Variants in FARP1 observed in about 807,000 individuals in gnomAD.
FARP1 encodes FERM, ARHGEF and pleckstrin domain-containing protein 1.
Under a neutral mutation model 128.8 loss-of-function variants are expected in FARP1, and 52 were observed. The ratio of observed to expected loss-of-function variants is 0.40; its 90% CI spans 0.32 to 0.51. The LOEUF is 0.51. FARP1 is among the 20% of genes least tolerant of loss of function. FARP1 has a pLI of 0.45. For synonymous variants in FARP1, 580 were observed against 551.8 expected (o/e 1.05, Z -0.72); for missense variants, 1,333 against 1,367.9 (o/e 0.97, Z 0.40).
At position 98,446,143 on chromosome 13, in the gene FARP1, G is replaced by A. The variant is rs762497844; in HGVS notation, c.2842G>A (p.Gly948Arg). The change falls in exon 25 of 27, where the codon GGG (glycine) becomes AGG (arginine). Residue 948 changes from glycine (G) to arginine (R), a missense_variant. Coordinates refer to ENST00000319562, the MANE Select transcript of FARP1 (RefSeq NM_005766.4). Reference sequence around the variant, plus strand: ...GCTGAGGAAATTCAAAAACAGCAACGGGTGGCAGAAGCTGTGGGTGGTGTT... The same window carrying A: ...GCTGAGGAAATTCAAAAACAGCAACAGGTGGCAGAAGCTGTGGGTGGTGTT... ...NLLRKFKNSN[G>R]WQKLWVVFTN... 19 of 1,613,966 alleles carry A rather than the reference G, an allele frequency of 1.2e-5. No homozygotes were observed. Among genetic ancestry groups the A allele is most frequent in the African/African-American group, 2.7e-5 (2 of 74,956 alleles).
intron 2 of FARP1, among the ~76,000 whole-genome samples, chr13:98,306,766 C>G (rs1886186220): frequency 6.6e-6 from 1 of 152,124 alleles, no homozygotes. Context: ...TCAAGCAATC[C>G]TCCTATGTTG....
intron 3 of FARP1, among the ~76,000 whole-genome samples, chr13:98,357,110 A>C (rs2139932826): frequency 6.6e-6 from 1 of 152,216 alleles, no homozygotes; most frequent in Non-Finnish European, 1.5e-5. Context: ...TGTAGGCAGC[A>C]TATACTTGCT....
At position 98,446,730 on chromosome 13, in the gene FARP1, A is replaced by G. The variant is rs777359140; in HGVS notation, c.2969A>G (p.Glu990Gly). The change falls in exon 26 of 27, where the codon GAG becomes GGG. Residue 990 changes from glutamate (E) to glycine (G), a missense_variant. By Grantham distance (98) the Glu-to-Gly change is moderately conservative. This residue lies in a region of FARP1 where 1,009 missense variants were observed against 969.8 expected (regional missense o/e 1.04). Coordinates refer to ENST00000319562, the MANE Select transcript of FARP1 (RefSeq NM_005766.4). ...TCGCTCACCATCCCCTCTGAGTCCG[A>G]GAACATCCAGAAAGACTACGTGTTC... Reference protein sequence around the residue: ...GYSLTIPSESENIQKDYVFKL... With the variant: ...GYSLTIPSESGNIQKDYVFKL... 3 of 1,614,204 alleles carry G rather than the reference A, an allele frequency of 1.9e-6. No homozygotes were observed. Among genetic ancestry groups the G allele is most frequent in the East Asian group, 2.2e-5 (1 of 44,866 alleles).
chr13:98,229,238 G>A (rs1172492877), intron 2 of FARP1, among the ~76,000 whole-genome samples: 4 of 152,174 alleles, frequency 2.6e-5, no homozygotes, highest in African/African-American at 9.7e-5. Context: ...AGCTAGCAGT[G>A]AAGATGAAGA....
intron 3 of FARP1, among the ~76,000 whole-genome samples, chr13:98,350,492 A>T (rs1396552656): frequency 6.6e-6 from 1 of 152,046 alleles, no homozygotes; most frequent in Non-Finnish European, 1.5e-5. Context: ...ATCCATTATC[A>T]TTCATTCACT....
At chr13:98,339,588 C>T (rs1424267545) in intron 2 of FARP1, among the ~76,000 whole-genome samples, 1 of 152,176 alleles carries the variant, frequency 6.6e-6, no homozygotes, top group Non-Finnish European at 1.5e-5. Flanking sequence ...AGTTTCCTTA[C>T]AACCATAGAT....
At chr13:98,442,932 C>T (rs959738762) in intron 24 of FARP1, among the ~76,000 whole-genome samples, 1 of 152,212 alleles carries the variant, frequency 6.6e-6, no homozygotes, top group African/African-American at 2.4e-5. Context: ...CCTGGAGGCA[C>T]CCAGGCCATT....
intron 13 of FARP1, chr13:98,405,312 G>A (rs1263876775): frequency 6.6e-6 from 1 of 152,222 alleles, no homozygotes; most frequent in Admixed American, 6.5e-5. Context: ...GCAGTTTCTG[G>A]TCTGGGTGAT....
intron 2 of FARP1, among the ~76,000 whole-genome samples, chr13:98,304,877 T>C (rs1256235248): frequency 6.6e-6 from 1 of 152,208 alleles, no homozygotes; most frequent in Non-Finnish European, 1.5e-5. Context: ...TATCTTTCCA[T>C]TTAACCTTAA....
intron 17 of FARP1, among the ~76,000 whole-genome samples, chr13:98,427,882 C>G (rs1260355952): frequency 6.6e-6 from 1 of 151,970 alleles, no homozygotes; most frequent in African/African-American, 2.4e-5. Context: ...TCACTGGCAG[C>G]CTTTTTGAGA....
chr13:98,413,106 C>T (rs1465187252), intron 16 of FARP1, among the ~76,000 whole-genome samples: 1 of 152,150 alleles, frequency 6.6e-6, no homozygotes, highest in Non-Finnish European at 1.5e-5. Flanking sequence ...GCTGGGGCAG[C>T]GGGAGTTCTC....
At chr13:98,423,917 G>T (rs534200378) in intron 16 of FARP1, among the ~76,000 whole-genome samples, 17 of 152,314 alleles carry the variant, frequency 1.1e-4, no homozygotes, top group African/African-American at 3.8e-4. Context: ...CAGCTTTGCT[G>T]TCTAGCACCC....
At chr13:98,385,885 T>C in intron 8 of FARP1, 71 bp downstream of exon 8, 1 of 1,525,328 alleles carries the variant, frequency 6.6e-7, no homozygotes, top group East Asian at 2.3e-5. Flanking sequence ...TCAACTCTGA[T>C]TCATATTCAG....
chr13:98,274,144 T>C (rs1884520667), intron 2 of FARP1, among the ~76,000 whole-genome samples: 1 of 152,210 alleles, frequency 6.6e-6, no homozygotes, highest in African/African-American at 2.4e-5. Flanking sequence ...ACTTTGTCCC[T>C]ATTCAGATGT....
intron 2 of FARP1, among the ~76,000 whole-genome samples, chr13:98,256,948 G>GGTATATATATATATATATATAT (rs59128917): frequency 1.3e-5 from 1 of 77,076 alleles, no homozygotes; most frequent in Admixed American, 1.6e-4. Context: ...TATATATGTG[G>GGTATATATATATATATATATAT]ATATATATAT....
In FARP1 at chr13:98,446,740, G is replaced by A. The variant is rs1323838053; in HGVS notation, c.2979G>A (p.Gln993=). The part of the protein sequence containing the change: ...LTIPSESENI[Q]KDYVFKLHFK... Reference sequence around the variant, plus strand: ...TCCCCTCTGAGTCCGAGAACATCCAGAAAGACTACGTGTTCAAGCTGCACT... The same window carrying A: ...TCCCCTCTGAGTCCGAGAACATCCAAAAAGACTACGTGTTCAAGCTGCACT... Residue 993 remains glutamine, a synonymous_variant, in exon 26 of 27, where the codon CAG becomes CAA. Coordinates refer to ENST00000319562, the MANE Select transcript of FARP1 (RefSeq NM_005766.4). The A allele has an allele frequency of 2.5e-6, 4 of 1,614,034 alleles. No homozygotes were observed. Among genetic ancestry groups the A allele is most frequent in the Non-Finnish European group, 3.4e-6 (4 of 1,180,020 alleles).
intron 2 of FARP1, among the ~76,000 whole-genome samples, chr13:98,305,523 G>A (rs899356011): frequency 1.3e-4 from 20 of 152,066 alleles, no homozygotes; most frequent in South Asian, 6.2e-4. Context: ...TAGTAGAGAC[G>A]GGGTTTCTCC....
intron 1 of FARP1, among the ~76,000 whole-genome samples, chr13:98,166,727 T>C (rs1403985652): frequency 6.7e-6 from 1 of 149,110 alleles, no homozygotes; most frequent in Non-Finnish European, 1.5e-5. Flanking sequence ...TTTCTTTCTT[T>C]TTTTTTTTTT....
rs1444679801 is a variant in FARP1 at position 98,450,819 on chromosome 13, GCCA to G, written c.*2503_*2505del. ...CAGGCCTGGAAGTGGCGACACAAAAGCCAGCTTCCTTGGCTAAGATGCCCTTAA... is the reference window on the plus strand; with the variant it reads ...CAGGCCTGGAAGTGGCGACACAAAAGGCTTCCTTGGCTAAGATGCCCTTAA... On this transcript the variant is annotated 3_prime_UTR_variant, in exon 27 of 27. Transcript: ENST00000319562. 3 of 152,262 alleles carry G rather than the reference GCCA, an allele frequency of 2.0e-5. No homozygotes were observed. The highest frequency in any genetic ancestry group is 2.9e-5 in the Non-Finnish European group (2 of 68,050). 9.4% of individuals were successfully genotyped at this position (152,262 alleles called of 1,614,324 possible).
Sources: gnomAD v4.1 joint callset for allele counts (sites outside exome capture counted in the v4.1 genomes callset) on GRCh38, gnomAD v4.1.1 for gene constraint, gnomAD v4.1.1 regional missense constraint, MANE v1.5 for transcripts, NCBI Gene and HGNC (gene_info 2026-07-23, HGNC 2026-07-21) for gene names.